Variants in CDHR3 observed in about 807,000 individuals in gnomAD.
The protein encoded by CDHR3 is cadherin-related family member 3.
A neutral mutation model predicts 86.6 loss-of-function variants in CDHR3; 79 were observed. The ratio of observed to expected loss-of-function variants is 0.91; its 90% CI spans 0.76 to 1.10. CDHR3 has a LOEUF of 1.10. Among genes scored for constraint, CDHR3 ranks in the 50% least tolerant of loss-of-function variants. CDHR3 has a pLI of 0.00. For synonymous variants in CDHR3, 421 were observed against 402.4 expected (o/e 1.05, Z -0.55); for missense variants, 1,081 against 1,077.6 (o/e 1.00, Z -0.04).
At chr7:106,011,548 A>C (rs1277959176) in intron 8 of CDHR3, among the ~76,000 whole-genome samples, 1 of 152,170 alleles carries the variant, frequency 6.6e-6, no homozygotes, top group Non-Finnish European at 1.5e-5. Flanking sequence ...AGACCAGCTA[A>C]GCCAAACTAA....
At chr7:105,972,842 G>A (rs558300539) in intron 1 of CDHR3, among the ~76,000 whole-genome samples, 2 of 152,250 alleles carry the variant, frequency 1.3e-5, no homozygotes, top group African/African-American at 2.4e-5. Context: ...ATAATTCTGC[G>A]AGCGACAATA....
intron 1 of CDHR3, among the ~76,000 whole-genome samples, chr7:105,966,655 G>GTCAT (rs1413429143): frequency 6.6e-6 from 1 of 152,074 alleles, no homozygotes; most frequent in Admixed American, 6.5e-5. Flanking sequence ...TACTTTTTCC[G>GTCAT]TCATGTCACT....
Position 106,034,960 on chromosome 7 carries a change from T to C in CDHR3, c.*2263T>C, listed in dbSNP as rs1838788438. Among the ~76,000 whole-genome samples, 1 of 151,492 alleles carries C rather than the reference T, an allele frequency of 6.6e-6. No individual in the cohort carries two copies. The highest frequency in any genetic ancestry group is 1.5e-5 in the Non-Finnish European group (1 of 67,974). On this transcript the variant is annotated 3_prime_UTR_variant, in exon 19 of 19. Coordinates refer to ENST00000317716, the MANE Select transcript of CDHR3 (RefSeq NM_152750.5). Reference sequence around the variant, plus strand: ...TGGACGTGTTAGCAGGCACCTGTAATCCCAGCTACTCAGGAGGCTGAGGCA... The same window carrying C: ...TGGACGTGTTAGCAGGCACCTGTAACCCCAGCTACTCAGGAGGCTGAGGCA...
chr7:106,002,020 T>C (rs1833271687), intron 7 of CDHR3, among the ~76,000 whole-genome samples: 1 of 152,188 alleles, frequency 6.6e-6, no homozygotes, highest in Non-Finnish European at 1.5e-5. Flanking sequence ...TTTCTTATCT[T>C]CTGGTATTGG....
In CDHR3 at chr7:106,020,561, C is replaced by G; in HGVS notation, c.1825+17C>G. 1 of 1,604,546 alleles carries G rather than the reference C, an allele frequency of 6.2e-7. No homozygotes were observed. Among genetic ancestry groups the G allele is most frequent in the Non-Finnish European group, 8.5e-7 (1 of 1,173,612 alleles). On this transcript the variant is annotated intron_variant, in intron 13 of 18. Transcript: ENST00000317716. ...TTGGCCCAGGTATAGTACTTGGTGTCGACAATCCTGGCCCTGTCTCTGAGG... is the reference window on the plus strand; with the variant it reads ...TTGGCCCAGGTATAGTACTTGGTGTGGACAATCCTGGCCCTGTCTCTGAGG...
intron 7 of CDHR3, among the ~76,000 whole-genome samples, chr7:106,003,620 C>T (rs531407781): frequency 1.3e-5 from 2 of 152,110 alleles, no homozygotes; most frequent in African/African-American, 4.8e-5. Context: ...CCTGATTCCT[C>T]GGGCCTGTCC....
At chr7:105,975,242 C>G (rs976879567) in intron 2 of CDHR3, among the ~76,000 whole-genome samples, 196 bp downstream of exon 2, 10 of 152,220 alleles carry the variant, frequency 6.6e-5, no homozygotes, top group African/African-American at 2.4e-4. Flanking sequence ...ACCTTCCCCA[C>G]TCCATACAGT....
intron 7 of CDHR3, 100 bp downstream of exon 7, chr7:106,001,710 AG>A: frequency 6.8e-7 from 1 of 1,478,758 alleles, no homozygotes; most frequent in Non-Finnish European, 9.3e-7. Flanking sequence ...AATTGGTTCT[AG>A]GATGCACCGT....
At chr7:105,970,828 C>T (rs923312386) in intron 1 of CDHR3, among the ~76,000 whole-genome samples, 2 of 152,066 alleles carry the variant, frequency 1.3e-5, no homozygotes, top group Non-Finnish European at 2.9e-5. Context: ...CTGGAGAAAC[C>T]GGATTTTGAA....
At chr7:106,016,084 G>C (rs1272815744) in intron 11 of CDHR3, 59 bp downstream of exon 11, 1 of 1,147,246 alleles carries the variant, frequency 8.7e-7, no homozygotes, top group Non-Finnish European at 1.3e-6. Flanking sequence ...CCAAACGTGT[G>C]TTCTGTGGAG....
chr7:105,991,761 A>G (rs748541777), intron 4 of CDHR3, among the ~76,000 whole-genome samples: 2 of 152,238 alleles, frequency 1.3e-5, no homozygotes, highest in African/African-American at 2.4e-5. Context: ...ATTATGTGCT[A>G]GTCACTAAGG....
At chr7:105,971,168 TAGGACTGCCTAGGTCTGCCTCAA>T (rs1187859807) in intron 1 of CDHR3, among the ~76,000 whole-genome samples, 9 of 149,890 alleles carry the variant, frequency 6.0e-5, no homozygotes, top group Admixed American at 2.0e-4. Context: ...TCAGTATCCC[TAGGACTGCCTAGGTCTGCCTCAA>T]AGGACTGCCT....
intron 5 of CDHR3, 142 bp downstream of exon 5, chr7:105,994,987 A>G: frequency 1.5e-6 from 1 of 661,014 alleles, no homozygotes; most frequent in Admixed American, 2.5e-5. Context: ...TTCAGATGGT[A>G]GTGAACCCCA....
At position 106,026,815 on chromosome 7, in the gene CDHR3, G is replaced by A. The variant is rs1332503208; in HGVS notation, c.2272+120G>A. The A allele has an allele frequency of 2.9e-6, 3 of 1,035,548 alleles. No homozygotes were observed. In the African/African-American group the frequency reaches 4.7e-5, roughly 16 times the overall value. 64.1% of individuals were successfully genotyped at this position (1,035,548 alleles called of 1,614,324 possible). A position where few individuals can be genotyped will look rare whatever the true frequency, so the allele number is the denominator to read the frequency against. On this transcript the variant is annotated intron_variant, in intron 16 of 18. Coordinates refer to ENST00000317716, the MANE Select transcript of CDHR3 (RefSeq NM_152750.5). ...ATCACATCTTGGAGCATTTTCAGCT[G>A]CATCTTCTGTGGCTGGAAGGAAGCG...
chr7:105,986,061 A>C (rs965684708), intron 4 of CDHR3, among the ~76,000 whole-genome samples: 4 of 152,190 alleles, frequency 2.6e-5, no homozygotes, highest in African/African-American at 9.6e-5. Context: ...GATTTACCTC[A>C]GAGTTCCATG....
At chr7:106,018,182 C>T (rs896617104) in intron 12 of CDHR3, 110 bp downstream of exon 12, 8 of 769,120 alleles carry the variant, frequency 1.0e-5, no homozygotes, top group Non-Finnish European at 1.5e-5. Context: ...CAGGGTACAT[C>T]CTGCGGATGT....
chr7:106,023,966 G>A (rs1397624557), intron 14 of CDHR3, among the ~76,000 whole-genome samples: 5 of 152,114 alleles, frequency 3.3e-5, no homozygotes. Flanking sequence ...GTGGCAGCTT[G>A]TAGTTGAGAA....
chr7:106,011,878 C>T (rs921662312), intron 8 of CDHR3, among the ~76,000 whole-genome samples: 3 of 152,138 alleles, frequency 2.0e-5, no homozygotes, highest in Non-Finnish European at 4.4e-5. Context: ...TCAAGACCCC[C>T]GAATTTGATC....
rs780318001 is a variant in CDHR3 at position 105,984,337 on chromosome 7, G to A, written c.513+48G>A. 35 of 1,462,874 alleles carry A rather than the reference G, an allele frequency of 2.4e-5. No homozygotes were observed. The East Asian group carries it at 7.7e-4, about 32-fold the overall frequency. 90.6% of individuals were successfully genotyped at this position (1,462,874 alleles called of 1,614,324 possible). ...GGTGGTGTTTGTCCGTGTTGGGTTA[G>A]ACACAGGAGCCTGCTGTCCTGAGTC... On this transcript the variant is annotated intron_variant, in intron 4 of 18. Transcript: ENST00000317716.
Sources: gnomAD v4.1 joint callset for allele counts (sites outside exome capture counted in the v4.1 genomes callset) on GRCh38, gnomAD v4.1.1 for gene constraint, MANE v1.5 for transcripts, NCBI Gene and HGNC (gene_info 2026-07-23, HGNC 2026-07-21) for gene names.